TAOK3: variants seen among roughly 807,000 people sequenced by gnomAD.
TAOK3 encodes serine/threonine-protein kinase TAO3.
In TAOK3, 40 loss-of-function variants were observed where a neutral mutation model predicts 120.4. The ratio of observed to expected loss-of-function variants is 0.33; its 90% CI spans 0.26 to 0.43. The LOEUF (loss-of-function observed/expected upper bound fraction) is 0.43, where lower values mean the gene tolerates loss of function less well. TAOK3 is among the 20% of genes least tolerant of loss of function. The pLI, the probability that TAOK3 is intolerant of heterozygous loss-of-function variation, is 1.00. For synonymous variants in TAOK3, 355 were observed against 387.5 expected (o/e 0.92, Z 0.99); for missense variants, 821 against 1,112.1 (o/e 0.74, Z 3.72).
intron 14 of TAOK3, among the ~76,000 whole-genome samples, chr12:118,186,715 G>C (rs980312137): frequency 1.3e-5 from 2 of 152,032 alleles, no homozygotes; most frequent in African/African-American, 4.8e-5. Flanking sequence ...AATAATCTCT[G>C]CCCTTAGAAA....
intron 1 of TAOK3, among the ~76,000 whole-genome samples, chr12:118,301,464 T>C (rs1360844942): frequency 6.6e-6 from 1 of 152,132 alleles, no homozygotes; most frequent in Non-Finnish European, 1.5e-5. Context: ...TCTCCAAAAC[T>C]AGAATTCATG....
At chr12:118,298,197 A>T (rs558980427) in intron 1 of TAOK3, among the ~76,000 whole-genome samples, 1 of 152,366 alleles carries the variant, frequency 6.6e-6, no homozygotes, top group South Asian at 2.1e-4. Context: ...GGAGATTTTA[A>T]TTAATCTGGA....
At chr12:118,169,326 C>CCCT (rs1491310172) in intron 17 of TAOK3, among the ~76,000 whole-genome samples, 1 of 80,562 alleles carries the variant, frequency 1.2e-5, no homozygotes. Context: ...ACCCCCCCCC[C>CCCT]TTTTTTTTTA....
At chr12:118,320,153 T>C (rs2043641081) in intron 1 of TAOK3, among the ~76,000 whole-genome samples, 1 of 152,074 alleles carries the variant, frequency 6.6e-6, no homozygotes, top group African/African-American at 2.4e-5. Context: ...GCAAAATTCA[T>C]ACAGACAGAA....
chr12:118,201,445 C>G lies in TAOK3; in HGVS notation c.838G>C (p.Asp280His), dbSNP rs759335143. Residue 280 changes from aspartate (D) to histidine (H), a missense_variant, in exon 12 of 21, where the codon GAC becomes CAC. Asp to His is a moderately conservative substitution (Grantham distance 81). Around this residue, in one of 2 missense-constraint regions of TAOK3, gnomAD observed 467 missense variants for 540.0 expected, o/e 0.86. Transcript: ENST00000392533. ...ELLRHDFVRRDRPLRVLIDLI... is the reference protein window; with the variant it reads ...ELLRHDFVRRHRPLRVLIDLI... ...TCAATGAGGACACGTAGTGGCCGGT[C>G]TCGTCGAACAAAGTCATGCTGATTG... 1.1e-5 allele frequency: 18 copies of G among 1,610,656 alleles called. No homozygotes were observed. Among genetic ancestry groups the G allele is most frequent in the Non-Finnish European group, 1.5e-5 (18 of 1,178,612 alleles).
At chr12:118,233,576 T>C in intron 9 of TAOK3, 98 bp downstream of exon 9, 1 of 946,678 alleles carries the variant, frequency 1.1e-6, no homozygotes, top group Non-Finnish European at 1.7e-6. Flanking sequence ...GCCAGATGAA[T>C]AACTCCTAAT....
chr12:118,282,981 G>T (rs1301066160), intron 1 of TAOK3, among the ~76,000 whole-genome samples: 1 of 152,182 alleles, frequency 6.6e-6, no homozygotes, highest in Non-Finnish European at 1.5e-5. Flanking sequence ...ACTTATTAAT[G>T]ATCAAGAGCC....
chr12:118,216,223 G>A (rs1349799264), intron 9 of TAOK3, among the ~76,000 whole-genome samples: 2 of 152,048 alleles, frequency 1.3e-5, no homozygotes, highest in Admixed American at 6.5e-5. Context: ...GAACTTGTGG[G>A]CTCAAGCTAT....
At chr12:118,159,935 T>C in intron 19 of TAOK3, 1 of 589,468 alleles carries the variant, frequency 1.7e-6, no homozygotes, top group Non-Finnish European at 3.0e-6. Context: ...ATGTGGCATG[T>C]CACTCCTTGA....
intron 19 of TAOK3, chr12:118,159,828 G>A (rs749908523): frequency 5.5e-6 from 2 of 361,182 alleles, no homozygotes; most frequent in Non-Finnish European, 5.1e-6. Flanking sequence ...TTAGTTGCGG[G>A]GAGGGCAGTC....
intron 3 of TAOK3, among the ~76,000 whole-genome samples, chr12:118,251,947 C>G (rs938267879): frequency 6.6e-6 from 1 of 152,124 alleles, no homozygotes; most frequent in East Asian, 1.9e-4. Context: ...TCAGCCTCCC[C>G]AGTAGCTGGG....
chr12:118,182,800 A>C (rs1053541900), intron 14 of TAOK3, among the ~76,000 whole-genome samples: 7 of 151,520 alleles, frequency 4.6e-5, no homozygotes, highest in Admixed American at 1.3e-4. Context: ...ATTATAATAC[A>C]TTCACTCACT....
intron 9 of TAOK3, among the ~76,000 whole-genome samples, chr12:118,218,615 C>T (rs997423777): frequency 6.6e-6 from 1 of 152,056 alleles, no homozygotes; most frequent in Admixed American, 6.6e-5. Flanking sequence ...TAGACATTTT[C>T]TTGTCATTAT....
intron 1 of TAOK3, chr12:118,359,802 T>C (rs2045529203): frequency 6.6e-6 from 1 of 152,102 alleles, no homozygotes; most frequent in African/African-American, 2.4e-5. Context: ...CTAAAGGAGA[T>C]TTAAGATTGG....
chr12:118,219,178 T>C lies in TAOK3; in HGVS notation c.644-5068A>G, dbSNP rs528941524. On this transcript the variant is annotated intron_variant, in intron 9 of 20. Transcript: ENST00000392533. ...TTCACTCAAAGAACCAAGCTCGGTG[T>C]TTTTCACAAATGCTGTTTTCTTGGT... 2.6e-4 allele frequency among the ~76,000 whole-genome samples: 39 copies of C among 152,250 alleles called. 1 individual carries two copies. The South Asian group carries it at 8.1e-3, about 32-fold the overall frequency.
At chr12:118,204,497 GT>G (rs1000527128) in intron 11 of TAOK3, among the ~76,000 whole-genome samples, 8 of 152,078 alleles carry the variant, frequency 5.3e-5, no homozygotes, top group African/African-American at 1.9e-4. Context: ...AGGAATTGTG[GT>G]TTTTGCTGTT....
chr12:118,364,710 C>A (rs1186208931), intron 1 of TAOK3, among the ~76,000 whole-genome samples: 1 of 152,032 alleles, frequency 6.6e-6, no homozygotes, highest in African/African-American at 2.4e-5. Flanking sequence ...GAGTTTGAGA[C>A]CAGCCTGGCC....
At chr12:118,181,047 G>A (rs543722591) in intron 15 of TAOK3, among the ~76,000 whole-genome samples, 3 of 151,874 alleles carry the variant, frequency 2.0e-5, no homozygotes, top group Non-Finnish European at 2.9e-5. Flanking sequence ...GTTTCACCAT[G>A]TTGGCCAGGC....
chr12:118,354,309 G>C (rs749072910), intron 1 of TAOK3, among the ~76,000 whole-genome samples: 2 of 152,160 alleles, frequency 1.3e-5, no homozygotes, highest in Non-Finnish European at 2.9e-5. Context: ...TACCACAACA[G>C]TCAATCTGAT....
Sources: allele counts gnomAD v4.1 joint callset (sites outside exome capture counted in the v4.1 genomes callset), GRCh38; gene constraint gnomAD v4.1.1; regional missense constraint gnomAD v4.1.1; transcripts MANE v1.5; gene names NCBI Gene and HGNC (gene_info 2026-07-23, HGNC 2026-07-21).